The following STMN3 variants were observed in gnomAD, a reference collection of about 807,000 sequenced individuals.
STMN3 encodes the protein stathmin 3, also known as stathmin-3.
A neutral mutation model predicts 23.2 loss-of-function variants in STMN3; 24 were observed. That is an observed-to-expected ratio of 1.03 (90% CI 0.75 to 1.45). The LOEUF (loss-of-function observed/expected upper bound fraction) is 1.45. STMN3 is among the 40% of genes most tolerant of loss of function. STMN3 has a pLI of 0.00. For synonymous variants in STMN3, 117 were observed against 103.4 expected (o/e 1.13, Z -0.80); for missense variants, 235 against 237.6 (o/e 0.99, Z 0.07).
chr20:63,653,072 C>T (rs1479896284), intron 1 of STMN3, among the ~76,000 whole-genome samples: 3 of 151,538 alleles, frequency 2.0e-5, no homozygotes, highest in Non-Finnish European at 2.9e-5. Context: ...GCACGCTGCT[C>T]CCCCAGGGGC....
At chr20:63,649,372 G>C (rs1009878199) in intron 1 of STMN3, among the ~76,000 whole-genome samples, 1 of 152,148 alleles carries the variant, frequency 6.6e-6, no homozygotes, top group African/African-American at 2.4e-5. Context: ...CATTGGACCA[G>C]TATTTTCAGA....
rs537676992 is a variant in STMN3 at position 63,652,740 on chromosome 20, G to C, written c.19+587C>G. ...GAGCAGGTGGCGCGGGCGTCGCAAA[G>C]GGTGGTCCCCGAGGCCGCAGCGGTG... On this transcript the variant is annotated intron_variant, in intron 1 of 4. Transcript: ENST00000370053. This position sits in a 1 kb window ranked among gnomAD's most constrained non-coding sequence, Gnocchi z 5.3. 2.4e-5 allele frequency: 24 copies of C among 985,884 alleles called. No individual in the cohort carries two copies. The South Asian group carries it at 1.0e-3, about 42-fold the overall frequency. The allele number at this position is 985,884 out of a possible 1,614,324, so 61.1% of individuals were successfully genotyped here.
intron 2 of STMN3, 73 bp downstream of exon 2, chr20:63,644,141 C>A: frequency 6.8e-7 from 1 of 1,463,220 alleles, no homozygotes; most frequent in Non-Finnish European, 9.5e-7. Context: ...TTCAGAGAGA[C>A]TGCCGGAGGC....
At chr20:63,650,444 C>T (rs1299199015) in intron 1 of STMN3, among the ~76,000 whole-genome samples, 8 of 146,766 alleles carry the variant, frequency 5.5e-5, no homozygotes, top group East Asian at 4.0e-4. Flanking sequence ...CCACCCCTCC[C>T]GCCGTCCAGG....
chr20:63,641,879 T>C (rs1306032162), intron 4 of STMN3, among the ~76,000 whole-genome samples: 2 of 110,232 alleles, frequency 1.8e-5, no homozygotes, highest in Non-Finnish European at 3.6e-5. Flanking sequence ...CCCTGCCTGC[T>C]GCTAGCCCTG....
chr20:63,647,688 T>TATATATATAATATATATACAC (rs2089820888), intron 1 of STMN3, among the ~76,000 whole-genome samples: 7 of 47,182 alleles, frequency 1.5e-4, no homozygotes, highest in Non-Finnish European at 2.7e-4. Flanking sequence ...TATATACACG[T>TATATATATAATATATATACAC]GTATATATAT....
At chr20:63,647,662 AAT>A (rs544266307) in intron 1 of STMN3, among the ~76,000 whole-genome samples, 6 of 130,378 alleles carry the variant, frequency 4.6e-5, no homozygotes, top group Admixed American at 1.7e-4. Context: ...GTATATATAT[AAT>A]ATATATATAC....
At chr20:63,653,200 G>C in intron 1 of STMN3, 127 bp downstream of exon 1, 1 of 1,282,560 alleles carries the variant, frequency 7.8e-7, no homozygotes, top group Non-Finnish European at 1.1e-6. Flanking sequence ...GTCGGGCCCA[G>C]GCTTGCAACG....
intron 1 of STMN3, among the ~76,000 whole-genome samples, chr20:63,647,753 A>G (rs1212713269): frequency 4.7e-5 from 6 of 126,582 alleles, no homozygotes; most frequent in Non-Finnish European, 8.5e-5. Context: ...GTGTATATAT[A>G]TAATATATAT....
rs1288050001 is a variant in STMN3 at position 63,647,991 on chromosome 20, T to TATATATATATATAC, written c.20-3683_20-3682insGTATATATATATAT. ...ATATATATATATATACATATATATA[T>TATATATATATATAC]ACAGAGAGAGAGAGAGTAGTGATAG... On this transcript the variant is annotated intron_variant, in intron 1 of 4. Coordinates refer to ENST00000370053, the MANE Select transcript of STMN3 (RefSeq NM_015894.4). 2.2e-4 allele frequency among the ~76,000 whole-genome samples: 17 copies of TATATATATATATAC among 75,884 alleles called. 2 individuals are homozygous for TATATATATATATAC. The highest frequency in any genetic ancestry group is 4.4e-4 in the South Asian group (1 of 2,282). 49.8% of individuals were successfully genotyped at this position (75,884 alleles called of 152,430 possible).
At chr20:63,649,776 C>T (rs528449732) in intron 1 of STMN3, among the ~76,000 whole-genome samples, 2 of 151,192 alleles carry the variant, frequency 1.3e-5, no homozygotes, top group South Asian at 2.1e-4. Flanking sequence ...GTGATCCGCC[C>T]GTCTCAGCCT....
Position 63,652,596 on chromosome 20 carries a change from C to T in STMN3, c.19+731G>A. ...ACCTTCGAAGGCGGTGGGTCCGCCC[C>T]GCGGGAGGTGGAGGGGCGGGAGGGG... On this transcript the variant is annotated intron_variant, in intron 1 of 4. Transcript: ENST00000370053. The surrounding 1 kb of genome is among the most constrained non-coding windows in gnomAD (Gnocchi z 5.3). The T allele has an allele frequency of 1.0e-6, 1 of 985,400 alleles. No individual in the cohort carries two copies. The highest frequency in any genetic ancestry group is 1.2e-6 in the Non-Finnish European group (1 of 829,914). The allele number at this position is 985,400 out of a possible 1,614,324, so 61.0% of individuals were successfully genotyped here.
At chr20:63,647,948 G>GTGTATA (rs1320052757) in intron 1 of STMN3, among the ~76,000 whole-genome samples, 1 of 63,830 alleles carries the variant, frequency 1.6e-5, no homozygotes, top group Admixed American at 1.7e-4. Context: ...GTGTGTGTGT[G>GTGTATA]TATATATATA....
In STMN3 at chr20:63,643,844, C is replaced by G; in HGVS notation, c.203G>C (p.Ser68Thr). The change falls in exon 3 of 5, where the codon AGC becomes ACC. Residue 68 changes from serine (S) to threonine (T), a missense_variant. Transcript: ENST00000370053. ...CTTGGGTGGGGAGGAGAGCATAGGG[C>G]TCTCTGGGGACAGGTCAGAAGGGGA... The part of the protein sequence containing the change: ...LKSPSDLSPE[S>T]PMLSSPPKKK... 1 of 1,577,044 alleles carries G rather than the reference C, an allele frequency of 6.3e-7. No homozygotes were observed. The highest frequency in any genetic ancestry group is 1.4e-5 in the African/African-American group (1 of 72,338).
chr20:63,652,668 C>A lies in STMN3; in HGVS notation c.19+659G>T. 6.1e-6 allele frequency: 6 copies of A among 985,690 alleles called. No homozygotes were observed. Among genetic ancestry groups the A allele is most frequent in the Non-Finnish European group, 2.4e-6 (2 of 830,148 alleles). 61.1% of individuals were successfully genotyped at this position (985,690 alleles called of 1,614,324 possible). On this transcript the variant is annotated intron_variant, in intron 1 of 4. Coordinates refer to ENST00000370053, the MANE Select transcript of STMN3 (RefSeq NM_015894.4). This position sits in a 1 kb window ranked among gnomAD's most constrained non-coding sequence, Gnocchi z 5.3. ...GGGTTTGGGGATCGCAGTCGCCCCTCCCCCATCCAGACCCCGCGGCGCAAA... is the reference window on the plus strand; with the variant it reads ...GGGTTTGGGGATCGCAGTCGCCCCTACCCCATCCAGACCCCGCGGCGCAAA...
Position 63,648,700 on chromosome 20 carries a change from C to T in STMN3, c.20-4391G>A, listed in dbSNP as rs114100119. Among the ~76,000 whole-genome samples the T allele has an allele frequency of 6.0e-3, 918 of 152,260 alleles. 10 individuals carry two copies. Among genetic ancestry groups the T allele is most frequent in the African/African-American group, 0.021 (871 of 41,540 alleles). ...GTAGTGAGCAGAGATTGTGCCACTG[C>T]GTTCCAGCCTGGGCAACACAGCGAG... On this transcript the variant is annotated intron_variant, in intron 1 of 4. Transcript: ENST00000370053.
rs755057311 is a variant in STMN3, at chr20:63,653,309, C to T, written c.19+18G>A. ...TCAGATCCCGCCGCCCCACAAAGCC[C>T]GTGGCCCCGGAGCCTACCGGAAATG... On this transcript the variant is annotated intron_variant, in intron 1 of 4. Transcript: ENST00000370053. 3 of 1,546,216 alleles carry T rather than the reference C, an allele frequency of 1.9e-6. No homozygotes were observed. Among genetic ancestry groups the T allele is most frequent in the East Asian group, 2.5e-5 (1 of 40,434 alleles).
intron 1 of STMN3, among the ~76,000 whole-genome samples, chr20:63,645,858 CAGG>C (rs1280694327): frequency 3.9e-5 from 6 of 152,102 alleles, no homozygotes; most frequent in Non-Finnish European, 8.8e-5. Context: ...GAGGCTGAGG[CAGG>C]AGAATCGCTT....
chr20:63,643,745 G>T lies in STMN3; in HGVS notation c.291+11C>A. 1 of 1,526,718 alleles carries T rather than the reference G, an allele frequency of 6.5e-7. No homozygotes were observed. The allele number at this position is 1,526,718 out of a possible 1,614,324, so 94.6% of individuals were successfully genotyped here. On this transcript the variant is annotated intron_variant, in intron 3 of 4. Transcript: ENST00000370053. The stretch of plus-strand genomic sequence containing the variant: ...AAACTCCTGGGGGGTGGGGGATGGA[G>T]GACTCCTTGCCTTCCTCCGCTCCTC...
Sources: gnomAD v4.1 joint callset for allele counts (sites outside exome capture counted in the v4.1 genomes callset) on GRCh38, gnomAD v4.1.1 for gene constraint, Gnocchi (gnomAD v3.1) non-coding constraint, MANE v1.5 for transcripts, NCBI Gene and HGNC (gene_info 2026-07-23, HGNC 2026-07-21) for gene names.